The following SLC35F2 variants were observed in gnomAD, a reference collection of about 807,000 sequenced individuals.
SLC35F2 encodes solute carrier family 35 member F2, also known as queuine/queuosine transporter SLC35F2.
Under a neutral mutation model 38.1 loss-of-function variants are expected in SLC35F2, and 25 were observed. The ratio of observed to expected loss-of-function variants is 0.66; its 90% CI spans 0.48 to 0.92. The LOEUF (loss-of-function observed/expected upper bound fraction) is 0.92, where lower values mean the gene tolerates loss of function less well. Among genes scored for constraint, SLC35F2 ranks in the 40% least tolerant of loss-of-function variants. The pLI, the probability that SLC35F2 is intolerant of heterozygous loss-of-function variation, is 0.00. For synonymous variants in SLC35F2, 173 were observed against 181.7 expected (o/e 0.95, Z 0.38); for missense variants, 409 against 452.9 (o/e 0.90, Z 0.88).
At chr11:107,832,078 G>C (rs1452929338) in intron 1 of SLC35F2, among the ~76,000 whole-genome samples, 1 of 151,874 alleles carries the variant, frequency 6.6e-6, no homozygotes, top group African/African-American at 2.4e-5. Flanking sequence ...ATGTTATACT[G>C]CATTTCTTAG....
At chr11:107,801,094 G>A (rs1211625433) in intron 7 of SLC35F2, among the ~76,000 whole-genome samples, 1 of 151,924 alleles carries the variant, frequency 6.6e-6, no homozygotes, top group Non-Finnish European at 1.5e-5. Context: ...TAGTGGAGAG[G>A]GGGGTTTCCC....
At chr11:107,800,903 C>CTTTTTTTTT (rs71303238) in intron 7 of SLC35F2, among the ~76,000 whole-genome samples, 3 of 126,200 alleles carry the variant, frequency 2.4e-5, no homozygotes, top group African/African-American at 9.7e-5. Flanking sequence ...GCTATTACTA[C>CTTTTTTTTT]TTTTTTTTTT....
At chr11:107,833,537 A>AT (rs397793403) in intron 1 of SLC35F2, among the ~76,000 whole-genome samples, 1 of 150,670 alleles carries the variant, frequency 6.6e-6, no homozygotes. Context: ...AAAAAAAAAA[A>AT]GGAGAGAGGT....
chr11:107,794,342 G>C (rs561905317), intron 7 of SLC35F2, among the ~76,000 whole-genome samples: 1 of 152,180 alleles, frequency 6.6e-6, no homozygotes, highest in Non-Finnish European at 1.5e-5. Context: ...GCCTCCCAAA[G>C]TGCTGGGATT....
intron 1 of SLC35F2, among the ~76,000 whole-genome samples, chr11:107,842,545 C>T (rs991018321): frequency 6.6e-6 from 1 of 151,468 alleles, no homozygotes; most frequent in Non-Finnish European, 1.5e-5. Context: ...TTTTTAATAC[C>T]GCCTCACTCT....
At chr11:107,793,042 G>A (rs1412784671) in intron 7 of SLC35F2, 1 of 457,346 alleles carries the variant, frequency 2.2e-6, no homozygotes, top group South Asian at 9.4e-5. Flanking sequence ...TCAACCTCCA[G>A]AGTAGCTGAC....
intron 3 of SLC35F2, among the ~76,000 whole-genome samples, chr11:107,809,329 C>CAAAAAAA (rs61511493): frequency 3.9e-3 from 372 of 95,812 alleles, no homozygotes; most frequent in Non-Finnish European, 5.6e-3. Flanking sequence ...ACTCAAAATA[C>CAAAAAAA]AAAAAAAAAA....
At chr11:107,814,384 G>A (rs1200748197) in intron 2 of SLC35F2, among the ~76,000 whole-genome samples, 1 of 151,736 alleles carries the variant, frequency 6.6e-6, no homozygotes. Flanking sequence ...GAACCCAGGA[G>A]GCAGAGATTG....
intron 1 of SLC35F2, among the ~76,000 whole-genome samples, chr11:107,821,131 A>C (rs1859664588): frequency 6.6e-6 from 1 of 152,178 alleles, no homozygotes; most frequent in South Asian, 2.1e-4. Context: ...GTGGCTGATA[A>C]CCTAATCAAA....
chr11:107,842,365 T>A (rs1860026725), intron 1 of SLC35F2, among the ~76,000 whole-genome samples: 1 of 151,816 alleles, frequency 6.6e-6, no homozygotes, highest in Non-Finnish European at 1.5e-5. Flanking sequence ...TTAATTTTTT[T>A]ATTTTTTGAG....
intron 7 of SLC35F2, among the ~76,000 whole-genome samples, chr11:107,799,567 T>C (rs1859272524): frequency 6.6e-6 from 1 of 151,068 alleles, no homozygotes; most frequent in Non-Finnish European, 1.5e-5. Flanking sequence ...TCTGATTCAC[T>C]TTGACTTTAT....
At chr11:107,836,835 G>A (rs184813298) in intron 1 of SLC35F2, among the ~76,000 whole-genome samples, 4 of 152,226 alleles carry the variant, frequency 2.6e-5, no homozygotes, top group South Asian at 2.1e-4. Flanking sequence ...AATAGAAAAC[G>A]AATATACAAA....
intron 6 of SLC35F2, chr11:107,803,642 C>T (rs528441950): frequency 8.4e-5 from 32 of 378,996 alleles, no homozygotes; most frequent in African/African-American, 6.7e-4. Context: ...GTATTTTGTT[C>T]ATCTCATTAA....
intron 1 of SLC35F2, among the ~76,000 whole-genome samples, chr11:107,850,236 A>G (rs2134859972): frequency 6.6e-6 from 1 of 152,274 alleles, no homozygotes; most frequent in African/African-American, 2.4e-5. Context: ...CATAGGGGAC[A>G]TGTATGAGAG....
chr11:107,815,077 A>T (rs567224406), intron 2 of SLC35F2, among the ~76,000 whole-genome samples: 1 of 148,460 alleles, frequency 6.7e-6, no homozygotes, highest in African/African-American at 2.5e-5. Context: ...GACTCTGTAT[A>T]AAAAAAAAGA....
Position 107,792,601 on chromosome 11 carries a change from G to T in SLC35F2, c.*14C>A. The stretch of plus-strand genomic sequence containing the variant: ...CTTTATCCTGGTGGGGGATGGGTGC[G>T]CCATCTTCTCCAGCTACAAGACAGC... On this transcript the variant is annotated 3_prime_UTR_variant, in exon 8 of 8. Transcript: ENST00000525815. 6.3e-7 allele frequency: 1 copy of T among 1,592,988 alleles called. No homozygotes were observed. The highest frequency in any genetic ancestry group is 8.5e-7 in the Non-Finnish European group (1 of 1,170,838).
At chr11:107,850,253 T>C (rs991674340) in intron 1 of SLC35F2, among the ~76,000 whole-genome samples, 1 of 152,176 alleles carries the variant, frequency 6.6e-6, no homozygotes, top group African/African-American at 2.4e-5. Context: ...AGAGTGGTCA[T>C]CACAGTGATG....
chr11:107,849,641 G>GA (rs59636290), intron 1 of SLC35F2, among the ~76,000 whole-genome samples: 122 of 138,574 alleles, frequency 8.8e-4, no homozygotes, highest in Middle Eastern at 7.3e-3. Flanking sequence ...TCCGTTTTGG[G>GA]AAAAAAAAAA....
chr11:107,806,036 G>A lies in SLC35F2; in HGVS notation c.575-521C>T, dbSNP rs540576661. Reference sequence around the variant, plus strand: ...GACCTCAGGTGATCCACCCACCTTGGCCTTCCAAAATGTTGGGATTACAGG... The same window carrying A: ...GACCTCAGGTGATCCACCCACCTTGACCTTCCAAAATGTTGGGATTACAGG... On this transcript the variant is annotated intron_variant, in intron 4 of 7. Coordinates refer to ENST00000525815, the MANE Select transcript of SLC35F2 (RefSeq NM_017515.5). 3.3e-5 allele frequency among the ~76,000 whole-genome samples: 5 copies of A among 152,258 alleles called. No individual in the cohort carries two copies. The East Asian group carries it at 7.7e-4, about 24-fold the overall frequency.
Sources: gnomAD v4.1 joint callset for allele counts (sites outside exome capture counted in the v4.1 genomes callset) on GRCh38, gnomAD v4.1.1 for gene constraint, MANE v1.5 for transcripts, NCBI Gene and HGNC (gene_info 2026-07-23, HGNC 2026-07-21) for gene names.